FMN2: variants seen among roughly 807,000 people sequenced by gnomAD.
FMN2 encodes formin-2.
A neutral mutation model predicts 142.3 loss-of-function variants in FMN2; 51 were observed. That is an observed-to-expected ratio of 0.36 (90% CI 0.29 to 0.45). The LOEUF (loss-of-function observed/expected upper bound fraction) is 0.45, where lower values mean the gene tolerates loss of function less well. Ranked by LOEUF, FMN2 falls within the 20% of genes least tolerant of loss-of-function variation. The pLI is 1.00. For synonymous variants in FMN2, 882 were observed against 869.8 expected (o/e 1.01, Z -0.25); for missense variants, 1,936 against 2,122.8 (o/e 0.91, Z 1.73).
intron 8 of FMN2, among the ~76,000 whole-genome samples, chr1:240,315,138 A>G (rs915638748): frequency 6.6e-6 from 1 of 152,140 alleles, no homozygotes; most frequent in African/African-American, 2.4e-5. Flanking sequence ...TATTCTGCTG[A>G]TGTTACAGGA....
intron 7 of FMN2, among the ~76,000 whole-genome samples, chr1:240,265,450 A>C (rs1280666264): frequency 6.6e-6 from 1 of 152,158 alleles, no homozygotes; most frequent in Non-Finnish European, 1.5e-5. Flanking sequence ...TGCTATCACC[A>C]AGCTAGTTTG....
At chr1:240,244,000 C>G (rs776282508) in intron 6 of FMN2, among the ~76,000 whole-genome samples, 2 of 152,180 alleles carry the variant, frequency 1.3e-5, no homozygotes, top group African/African-American at 2.4e-5. Context: ...GATATACCAC[C>G]TTGTGCTCTA....
At chr1:240,407,575 T>C (rs1188469319) in intron 15 of FMN2, among the ~76,000 whole-genome samples, 1 of 152,234 alleles carries the variant, frequency 6.6e-6, no homozygotes, top group African/African-American at 2.4e-5. Context: ...TAATTAATTC[T>C]TCCTTCATTT....
intron 2 of FMN2, chr1:240,144,409 A>G (rs975409588): frequency 1.0e-5 from 16 of 1,605,084 alleles, no homozygotes; most frequent in Non-Finnish European, 1.0e-5. Context: ...TGAGCTGTAC[A>G]TTGGACATGA....
At chr1:240,193,886 C>T (rs768033243) in intron 4 of FMN2, among the ~76,000 whole-genome samples, 13 of 152,206 alleles carry the variant, frequency 8.5e-5, no homozygotes, top group South Asian at 2.1e-4. Context: ...CCAGTGACTG[C>T]TCATAGCATT....
At chr1:240,453,415 A>G (rs1273093546) in intron 16 of FMN2, among the ~76,000 whole-genome samples, 1 of 152,200 alleles carries the variant, frequency 6.6e-6, no homozygotes, top group African/African-American at 2.4e-5. Context: ...AACAATCGAC[A>G]TATCAATCAC....
At chr1:240,455,978 T>TAAG (rs1359913448) in intron 16 of FMN2, among the ~76,000 whole-genome samples, 1 of 58,104 alleles carries the variant, frequency 1.7e-5, no homozygotes, top group African/African-American at 8.5e-5. Context: ...GTCTCAAAAA[T>TAAG]AATAATAATA....
intron 6 of FMN2, among the ~76,000 whole-genome samples, chr1:240,225,111 A>G (rs1006070760): frequency 6.6e-6 from 1 of 152,208 alleles, no homozygotes; most frequent in Non-Finnish European, 1.5e-5. Flanking sequence ...TGAGCAAACA[A>G]TAAGCTATTC....
At chr1:240,145,300 A>T in intron 2 of FMN2, 1 of 1,363,666 alleles carries the variant, frequency 7.3e-7, no homozygotes, top group Non-Finnish European at 1.0e-6. Flanking sequence ...TTGGCTTCTC[A>T]TCCATGCCGC....
intron 2 of FMN2, among the ~76,000 whole-genome samples, chr1:240,131,853 C>G (rs188276542): frequency 1.3e-5 from 2 of 152,268 alleles, no homozygotes; most frequent in Admixed American, 6.5e-5. Context: ...CAAAGACAAC[C>G]TGGGGGTGCT....
chr1:240,351,915 TATG>T (rs1210293978), intron 13 of FMN2, among the ~76,000 whole-genome samples: 2 of 152,216 alleles, frequency 1.3e-5, no homozygotes, highest in African/African-American at 4.8e-5. Context: ...CATGGATGTG[TATG>T]ATATCATGGA....
rs192448556 is a variant in FMN2 at position 240,225,252 on chromosome 1, G to A, written c.4065+14017G>A. ...CAACTGGAGAGGGAAAAGCCCAGTG[G>A]CTAGTTTCCAGATGAACATGGTAGA... On this transcript the variant is annotated intron_variant, in intron 6 of 17. Coordinates refer to ENST00000319653, the MANE Select transcript of FMN2 (RefSeq NM_020066.5). Among the ~76,000 whole-genome samples the A allele has an allele frequency of 2.7e-3, 410 of 152,268 alleles. 3 individuals are homozygous for A. Among genetic ancestry groups the A allele is most frequent in the South Asian group, 0.027 (129 of 4,824 alleles).
intron 2 of FMN2, among the ~76,000 whole-genome samples, chr1:240,159,860 A>T (rs1267037773): frequency 6.7e-6 from 1 of 148,186 alleles, no homozygotes; most frequent in Non-Finnish European, 1.5e-5. Flanking sequence ...CTCTTGGAGC[A>T]TATGAATTAT....
At chr1:240,122,125 T>C (rs1662301724) in intron 1 of FMN2, among the ~76,000 whole-genome samples, 1 of 147,758 alleles carries the variant, frequency 6.8e-6, no homozygotes. Flanking sequence ...AACACTCTTG[T>C]TGCCCAGGCC....
chr1:240,336,193 G>A (rs1487039916), intron 13 of FMN2, among the ~76,000 whole-genome samples: 1 of 151,946 alleles, frequency 6.6e-6, no homozygotes. Flanking sequence ...AAGACAAGCA[G>A]CCAGCGCCTC....
chr1:240,137,676 C>G (rs959750332), intron 2 of FMN2, among the ~76,000 whole-genome samples: 3 of 152,114 alleles, frequency 2.0e-5, no homozygotes, highest in African/African-American at 7.2e-5. Flanking sequence ...ACTGGGTGAA[C>G]AGACACGGTG....
chr1:240,384,730 T>G (rs1673357154), intron 14 of FMN2, among the ~76,000 whole-genome samples: 1 of 152,186 alleles, frequency 6.6e-6, no homozygotes, highest in African/African-American at 2.4e-5. Flanking sequence ...ACTCCATGAG[T>G]TGGAATCCTG....
At chr1:240,426,112 C>T (rs1165907140) in intron 15 of FMN2, among the ~76,000 whole-genome samples, 1 of 152,114 alleles carries the variant, frequency 6.6e-6, no homozygotes, top group Non-Finnish European at 1.5e-5. Flanking sequence ...ATATGCTTCT[C>T]CAAAGAGATC....
Position 240,181,292 on chromosome 1 carries a change from C to T in FMN2, c.1930+3224C>T, listed in dbSNP as rs6704008. ...GTGCTGGGATTACAGGCGTGAGCCA[C>T]TGCACTGGGCCTTTTTTCCAGCTCT... On this transcript the variant is annotated intron_variant, in intron 3 of 17. Transcript: ENST00000319653. Among the ~76,000 whole-genome samples, 875 of 152,342 alleles carry T rather than the reference C, an allele frequency of 5.7e-3. 12 individuals carry two copies. Among genetic ancestry groups the T allele is most frequent in the African/African-American group, 0.02 (832 of 41,570 alleles).
Sources: gnomAD v4.1 joint callset for allele counts (sites outside exome capture counted in the v4.1 genomes callset) on GRCh38, gnomAD v4.1.1 for gene constraint, MANE v1.5 for transcripts, NCBI Gene and HGNC (gene_info 2026-07-23, HGNC 2026-07-21) for gene names.